NFIX: variants seen among roughly 807,000 people sequenced by gnomAD.
NFIX encodes the protein nuclear factor I X.
A neutral mutation model predicts 53.3 loss-of-function variants in NFIX; 2 were observed. The ratio of observed to expected loss-of-function variants is 0.04; its 90% CI spans 0.02 to 0.12. The LOEUF (loss-of-function observed/expected upper bound fraction) is 0.12, where lower values mean the gene tolerates loss of function less well. NFIX is among the 10% of genes least tolerant of loss of function. The pLI is 1.00. For missense variants in NFIX, 310 were observed against 674.5 expected (o/e 0.46, Z 5.99); for synonymous variants, 244 against 289.0 (o/e 0.84, Z 1.58).
At chr19:13,082,959 T>C (rs546705173) in intron 8 of NFIX, among the ~76,000 whole-genome samples, 30 of 152,204 alleles carry the variant, frequency 2.0e-4, no homozygotes, top group Non-Finnish European at 3.5e-4. Flanking sequence ...TGCTGGTGTA[T>C]TGATTTGCGG....
intron 2 of NFIX, among the ~76,000 whole-genome samples, chr19:13,064,568 A>G (rs1475057661): frequency 1.3e-5 from 2 of 152,214 alleles, no homozygotes; most frequent in African/African-American, 2.4e-5. Flanking sequence ...AGGCTCTGCC[A>G]TTATATTTGC....
chr19:13,087,093 C>G (rs1223121736), intron 8 of NFIX, among the ~76,000 whole-genome samples: 2 of 152,196 alleles, frequency 1.3e-5, no homozygotes, highest in African/African-American at 4.8e-5. Flanking sequence ...GAGGTGTGTG[C>G]CCAAACCTCC....
In NFIX at chr19:13,025,490, A is replaced by T; in HGVS notation, c.497A>T (p.His166Leu). The change falls in exon 2 of 11, where the codon CAT (histidine) becomes CTT (leucine). Residue 166 changes from histidine (H) to leucine (L), a missense_variant. Physicochemically the swap from His to Leu is moderately conservative, Grantham distance 99. This residue lies in a region of NFIX where 164 missense variants were observed against 284.4 expected (regional missense o/e 0.58). Transcript: ENST00000592199. This position sits in a 1 kb window ranked among gnomAD's most constrained non-coding sequence, Gnocchi z 7.5. ...CSNPGLCVQP[H>L]HIGVTIKELD... ...AACCCCGGCCTGTGCGTCCAGCCAC[A>T]TCACATTGGAGTCACAATCAAAGAA... The T allele has an allele frequency of 6.2e-7, 1 of 1,614,050 alleles. No homozygotes were observed. The highest frequency in any genetic ancestry group is 1.1e-5 in the South Asian group (1 of 91,082).
chr19:13,048,788 C>G (rs546606349), intron 2 of NFIX, among the ~76,000 whole-genome samples: 39 of 152,250 alleles, frequency 2.6e-4, no homozygotes, highest in Non-Finnish European at 5.0e-4. Flanking sequence ...TTAAAGTGTA[C>G]AGGGCCAGGC....
In NFIX at chr19:13,036,941, G is replaced by A. The variant is rs940842148; in HGVS notation, c.559+11389G>A. 3.9e-5 allele frequency among the ~76,000 whole-genome samples: 6 copies of A among 152,110 alleles called. No individual in the cohort carries two copies. Among genetic ancestry groups the A allele is most frequent in the Non-Finnish European group, 8.8e-5 (6 of 68,016 alleles). On this transcript the variant is annotated intron_variant, in intron 2 of 10. Transcript: ENST00000592199. This position sits in a 1 kb window ranked among gnomAD's most constrained non-coding sequence, Gnocchi z 4.7. Reference sequence around the variant, plus strand: ...TTTCCTTAGTAACAGGAATGCTCCCGGGGGACCAAGTGAAGAAAGGCCTTT... The same window carrying A: ...TTTCCTTAGTAACAGGAATGCTCCCAGGGGACCAAGTGAAGAAAGGCCTTT...
At position 13,049,706 on chromosome 19, in the gene NFIX, G is replaced by A. The variant is rs937344700; in HGVS notation, c.560-23341G>A. 6.6e-6 allele frequency among the ~76,000 whole-genome samples: 1 copy of A among 151,132 alleles called. No individual in the cohort carries two copies. The highest frequency in any genetic ancestry group is 2.4e-5 in the African/African-American group (1 of 41,020). ...CCTCCTGGGTTCAAGCGATTCTTCTGCCTCGGCCTCCTAAGTAGCTGGGAC... is the reference window on the plus strand; with the variant it reads ...CCTCCTGGGTTCAAGCGATTCTTCTACCTCGGCCTCCTAAGTAGCTGGGAC... On this transcript the variant is annotated intron_variant, in intron 2 of 10. Coordinates refer to ENST00000592199, the MANE Select transcript of NFIX (RefSeq NM_001365902.3). The surrounding 1 kb of genome is among the most constrained non-coding windows in gnomAD (Gnocchi z 4.5).
intron 2 of NFIX, among the ~76,000 whole-genome samples, chr19:13,044,802 G>T (rs1003926889): frequency 6.6e-6 from 1 of 152,214 alleles, no homozygotes. Flanking sequence ...CGTCTCCACC[G>T]TCAGGACTGA....
chr19:13,098,303 C>A lies in NFIX; in HGVS notation c.*3654C>A, dbSNP rs1475585448. The A allele has an allele frequency of 2.0e-5, 3 of 150,078 alleles. No homozygotes were observed. Among genetic ancestry groups the A allele is most frequent in the Non-Finnish European group, 4.5e-5 (3 of 67,254 alleles). 9.3% of individuals were successfully genotyped at this position (150,078 alleles called of 1,614,324 possible). A position where few individuals can be genotyped will look rare whatever the true frequency, so the allele number is the denominator to read the frequency against. On this transcript the variant is annotated 3_prime_UTR_variant, in exon 11 of 11. Coordinates refer to ENST00000592199, the MANE Select transcript of NFIX (RefSeq NM_001365902.3). ...CCACCCTCGGGGCGCCCCCCTCCCC[C>A]CGCAAGCCAGCCTGGGCCAGCCCCG...
At position 12,998,124 on chromosome 19, in the gene NFIX, G is replaced by C. The variant is rs1427890220; in HGVS notation, c.27+2260G>C. 6.6e-6 allele frequency among the ~76,000 whole-genome samples: 1 copy of C among 152,088 alleles called. No homozygotes were observed. The highest frequency in any genetic ancestry group is 6.6e-5 in the Admixed American group (1 of 15,260). ...GTTTTTATGACAACCTCTTTCCTTT[G>C]CTGTCTTTTTCTCGGTCTGTTTTTA... On this transcript the variant is annotated intron_variant, in intron 1 of 10. Transcript: ENST00000592199. The surrounding 1 kb of genome is among the most constrained non-coding windows in gnomAD (Gnocchi z 4.4).
chr19:13,047,142 A>G, intron 2 of NFIX, among the ~76,000 whole-genome samples: 1 of 152,100 alleles, frequency 6.6e-6, no homozygotes, highest in East Asian at 1.9e-4. Flanking sequence ...TCTTGGGATC[A>G]ATATCAGTCT....
intron 5 of NFIX, among the ~76,000 whole-genome samples, chr19:13,074,789 G>A (rs1349258972): frequency 6.6e-6 from 1 of 151,668 alleles, no homozygotes; most frequent in Non-Finnish European, 1.5e-5. Context: ...ATGGGACTAG[G>A]CCAGGCTCGG....
rs958090187 is a variant in NFIX, at chr19:13,002,055, G to A, written c.27+6191G>A. On this transcript the variant is annotated intron_variant, in intron 1 of 10. Transcript: ENST00000592199. The surrounding 1 kb of genome is among the most constrained non-coding windows in gnomAD (Gnocchi z 6.1). ...AGCCTGGCCAGCTGGGTGTCCGGCT[G>A]TCTCCGTGGGCCTGAGCCCACTATC... Among the ~76,000 whole-genome samples the A allele has an allele frequency of 3.3e-5, 5 of 152,324 alleles. No individual in the cohort carries two copies. Among genetic ancestry groups the A allele is most frequent in the Admixed American group, 6.5e-5 (1 of 15,310 alleles).
rs1448137721 is a variant in NFIX at position 12,998,564 on chromosome 19, C to T, written c.27+2700C>T. 6.6e-6 allele frequency among the ~76,000 whole-genome samples: 1 copy of T among 151,982 alleles called. No homozygotes were observed. The highest frequency in any genetic ancestry group is 1.5e-5 in the Non-Finnish European group (1 of 67,998). ...CCATTGTAGCCACAGTCCTGAGTCT[C>T]AGGCGGAGAGAGGGGTGGGGGGTGG... On this transcript the variant is annotated intron_variant, in intron 1 of 10. Coordinates refer to ENST00000592199, the MANE Select transcript of NFIX (RefSeq NM_001365902.3). The surrounding 1 kb of genome is among the most constrained non-coding windows in gnomAD (Gnocchi z 4.4).
At chr19:13,046,008 C>T (rs1461664563) in intron 2 of NFIX, among the ~76,000 whole-genome samples, 1 of 152,180 alleles carries the variant, frequency 6.6e-6, no homozygotes, top group Non-Finnish European at 1.5e-5. Context: ...GGCTTCTCCC[C>T]AACACACATC....
chr19:12,996,130 G>A lies in NFIX; in HGVS notation c.27+266G>A, dbSNP rs1254806459. Among the ~76,000 whole-genome samples, 4 of 141,844 alleles carry A rather than the reference G, an allele frequency of 2.8e-5. No homozygotes were observed. In the South Asian group the frequency reaches 7.1e-4, roughly 25 times the overall value. 93.1% of individuals were successfully genotyped at this position (141,844 alleles called of 152,430 possible). ...TGGCGCTGCCCGTGGAGCGCAGGCG[G>A]GAGTGCGTGTACGTGTGTGTGTGTG... On this transcript the variant is annotated intron_variant, in intron 1 of 10. Coordinates refer to ENST00000592199, the MANE Select transcript of NFIX (RefSeq NM_001365902.3). The surrounding 1 kb of genome is among the most constrained non-coding windows in gnomAD (Gnocchi z 5.2).
intron 2 of NFIX, among the ~76,000 whole-genome samples, chr19:13,033,216 G>A (rs1469806454): frequency 2.6e-5 from 4 of 152,204 alleles, no homozygotes; most frequent in Non-Finnish European, 5.9e-5. Context: ...TGAGTTTAAG[G>A]GTTGTTGGCG....
At chr19:13,004,441 A>C (rs537943070) in intron 1 of NFIX, among the ~76,000 whole-genome samples, 1 of 152,214 alleles carries the variant, frequency 6.6e-6, no homozygotes, top group African/African-American at 2.4e-5. Flanking sequence ...CCATGTACAC[A>C]GTCCAGTGTT....
Position 13,066,243 on chromosome 19 carries a change from G to T in NFIX, c.560-6804G>T, listed in dbSNP as rs995144297. ...TGCTCCAGGGGCACCCGTAGAGGCC[G>T]GGATGTGTTGGAATGGAGAAAGTAG... On this transcript the variant is annotated intron_variant, in intron 2 of 10. Transcript: ENST00000592199. The surrounding 1 kb of genome is among the most constrained non-coding windows in gnomAD (Gnocchi z 4.2). 6.6e-6 allele frequency among the ~76,000 whole-genome samples: 1 copy of T among 152,176 alleles called. No homozygotes were observed. Among genetic ancestry groups the T allele is most frequent in the Non-Finnish European group, 1.5e-5 (1 of 68,024 alleles).
intron 8 of NFIX, among the ~76,000 whole-genome samples, chr19:13,083,867 C>T (rs1027669812): frequency 3.3e-5 from 5 of 152,220 alleles, no homozygotes; most frequent in East Asian, 1.9e-4. Flanking sequence ...GGCCCGGCTC[C>T]GCCACTGATC....
Sources: gnomAD v4.1 joint callset for allele counts (sites outside exome capture counted in the v4.1 genomes callset) on GRCh38, gnomAD v4.1.1 for gene constraint, gnomAD v4.1.1 regional missense constraint, Gnocchi (gnomAD v3.1) non-coding constraint, MANE v1.5 for transcripts, NCBI Gene and HGNC (gene_info 2026-07-23, HGNC 2026-07-21) for gene names.